The following PDE11A variants were observed in gnomAD, a reference collection of about 807,000 sequenced individuals.
The protein encoded by PDE11A is phosphodiesterase 11A.
In PDE11A, 100 loss-of-function variants were observed where a neutral mutation model predicts 100.5. That is an observed-to-expected ratio of 1.00 (90% CI 0.85 to 1.18). The LOEUF is 1.18. Ranked by LOEUF, PDE11A falls within the 50% of genes most tolerant of loss-of-function variation. The pLI, the probability that PDE11A is intolerant of heterozygous loss-of-function variation, is 0.00. For synonymous variants in PDE11A, 381 were observed against 420.8 expected, an observed-to-expected ratio of 0.91 and a Z score of 1.16; for missense variants, 1,141 against 1,152.6, an observed-to-expected ratio of 0.99 and a Z score of 0.15.
chr2:177,652,800 T>C (rs1285672718), intron 19 of PDE11A, among the ~76,000 whole-genome samples: 1 of 152,262 alleles, frequency 6.6e-6, no homozygotes, highest in African/African-American at 2.4e-5. Context: ...CTTAGCTTTT[T>C]GATGGCAATG....
At chr2:178,011,454 G>T (rs982736414) in intron 2 of PDE11A, among the ~76,000 whole-genome samples, 4 of 152,120 alleles carry the variant, frequency 2.6e-5, no homozygotes, top group Non-Finnish European at 5.9e-5. Context: ...TTTATAAAAG[G>T]TTGTAACTCA....
intron 9 of PDE11A, among the ~76,000 whole-genome samples, chr2:177,778,489 C>G (rs915027397): frequency 6.6e-6 from 1 of 152,188 alleles, no homozygotes; most frequent in African/African-American, 2.4e-5. Context: ...TGCATGAATA[C>G]GTTTATTGCT....
At chr2:177,779,577 A>C (rs1375689162) in intron 9 of PDE11A, among the ~76,000 whole-genome samples, 1 of 152,226 alleles carries the variant, frequency 6.6e-6, no homozygotes, top group Non-Finnish European at 1.5e-5. Context: ...TGTATATTCC[A>C]TCTCAGGAAA....
At chr2:177,988,907 C>T (rs2085971401) in intron 2 of PDE11A, among the ~76,000 whole-genome samples, 1 of 152,176 alleles carries the variant, frequency 6.6e-6, no homozygotes, top group African/African-American at 2.4e-5. Context: ...GTTATTTTTA[C>T]TTTGCTCAAA....
chr2:178,042,453 T>G, intron 1 of PDE11A, among the ~76,000 whole-genome samples: 1 of 146,880 alleles, frequency 6.8e-6, no homozygotes, highest in African/African-American at 2.5e-5. Context: ...TTTCTAGCCT[T>G]GGTGACAGAG....
In PDE11A at chr2:177,746,343, G is replaced by A. The variant is rs114023491; in HGVS notation, c.1789-18171C>T. 2.3e-3 allele frequency among the ~76,000 whole-genome samples: 347 copies of A among 152,196 alleles called. 1 individual carries two copies. Among genetic ancestry groups the A allele is most frequent in the African/African-American group, 7.9e-3 (326 of 41,520 alleles). Reference sequence around the variant, plus strand: ...GGAGGGAAAACACAAAATACTTGGCGGATAGATCTGGGAGGAAACGGAACA... The same window carrying A: ...GGAGGGAAAACACAAAATACTTGGCAGATAGATCTGGGAGGAAACGGAACA... On this transcript the variant is annotated intron_variant, in intron 10 of 19. Coordinates refer to ENST00000286063, the MANE Select transcript of PDE11A (RefSeq NM_016953.4).
At chr2:177,663,440 TAA>T (rs879448595) in intron 19 of PDE11A, among the ~76,000 whole-genome samples, 2 of 132,742 alleles carry the variant, frequency 1.5e-5, no homozygotes, top group Admixed American at 1.6e-4. Flanking sequence ...AGAAAATTTG[TAA>T]AAAAAAAAAA....
intron 6 of PDE11A, among the ~76,000 whole-genome samples, chr2:177,834,446 C>T (rs143157519): frequency 1.3e-5 from 2 of 152,288 alleles, no homozygotes; most frequent in African/African-American, 2.4e-5. Flanking sequence ...GTATTGGCAC[C>T]TATCTTTTCT....
At chr2:177,981,991 C>T (rs767791712) in intron 2 of PDE11A, among the ~76,000 whole-genome samples, 3 of 150,922 alleles carry the variant, frequency 2.0e-5, no homozygotes, top group Non-Finnish European at 4.5e-5. Context: ...AGAAAACTGG[C>T]ACAGGCCTTT....
intron 1 of PDE11A, among the ~76,000 whole-genome samples, chr2:178,104,750 C>T (rs575717099): frequency 3.9e-5 from 6 of 152,224 alleles, no homozygotes; most frequent in South Asian, 2.1e-4. Context: ...TGGTATCAAA[C>T]GGGTTTTACT....
In PDE11A at chr2:177,630,989, T is replaced by C. The variant is rs189915187; in HGVS notation, c.2647-1427A>G. Among the ~76,000 whole-genome samples, 3 of 152,248 alleles carry C rather than the reference T, an allele frequency of 2.0e-5. No individual in the cohort carries two copies. In the East Asian group the frequency reaches 5.8e-4, roughly 29 times the overall value. On this transcript the variant is annotated intron_variant, in intron 19 of 19. Transcript: ENST00000286063. ...TACCTTTTCTTCCCTTCACAGTTAT[T>C]TTATATATTTTAAGTAACATGTTAG...
At chr2:177,713,422 A>G (rs1553540354) in intron 12 of PDE11A, among the ~76,000 whole-genome samples, 2 of 152,178 alleles carry the variant, frequency 1.3e-5, no homozygotes, top group Admixed American at 6.5e-5. Flanking sequence ...GAAATAGTCC[A>G]TGTCAAAGCT....
intron 4 of PDE11A, among the ~76,000 whole-genome samples, chr2:177,879,185 A>C (rs905794558): frequency 6.6e-6 from 1 of 152,222 alleles, no homozygotes; most frequent in African/African-American, 2.4e-5. Context: ...CCAAGTAAAG[A>C]TGCAAATGAT....
At chr2:177,755,684 G>T (rs1224176463) in intron 10 of PDE11A, among the ~76,000 whole-genome samples, 1 of 152,214 alleles carries the variant, frequency 6.6e-6, no homozygotes, top group Admixed American at 6.5e-5. Flanking sequence ...GGACCAATCA[G>T]AAAATGTCCC....
At chr2:178,026,789 CAA>C (rs1308997880) in intron 1 of PDE11A, among the ~76,000 whole-genome samples, 1 of 151,752 alleles carries the variant, frequency 6.6e-6, no homozygotes, top group African/African-American at 2.4e-5. Flanking sequence ...TTTAGTTAAT[CAA>C]AAGAGTATTA....
intron 9 of PDE11A, among the ~76,000 whole-genome samples, chr2:177,796,740 C>T (rs1335204103): frequency 6.6e-6 from 1 of 152,136 alleles, no homozygotes; most frequent in African/African-American, 2.4e-5. Flanking sequence ...ATAAACACGG[C>T]TTTCATAAGC....
chr2:177,835,751 G>A (rs958118239), intron 6 of PDE11A, among the ~76,000 whole-genome samples: 3 of 152,254 alleles, frequency 2.0e-5, no homozygotes, highest in East Asian at 1.9e-4. Context: ...TGGGCTCCGC[G>A]GGCCCTGCAT....
At chr2:178,006,317 T>A (rs553876294) in intron 2 of PDE11A, among the ~76,000 whole-genome samples, 9 of 152,330 alleles carry the variant, frequency 5.9e-5, no homozygotes, top group Admixed American at 3.3e-4. Context: ...ATGACAGAAT[T>A]TGGCTTAAGC....
intron 5 of PDE11A, among the ~76,000 whole-genome samples, chr2:177,854,146 A>G (rs1422640203): frequency 6.6e-6 from 1 of 151,920 alleles, no homozygotes; most frequent in African/African-American, 2.4e-5. Context: ...GCTGACCTAT[A>G]TAGGCTACTT....
Sources: allele counts gnomAD v4.1 joint callset (sites outside exome capture counted in the v4.1 genomes callset), GRCh38; gene constraint gnomAD v4.1.1; transcripts MANE v1.5; gene names NCBI Gene and HGNC (gene_info 2026-07-23, HGNC 2026-07-21).